The following RCSD1 variants were observed in gnomAD, a reference collection of about 807,000 sequenced individuals.
RCSD1 encodes RCSD domain containing 1, also known as capZ-interacting protein.
In RCSD1, 26 loss-of-function variants were observed where a neutral mutation model predicts 42.5. The observed-to-expected ratio is 0.61, with a 90% CI of 0.45 to 0.85. The LOEUF is 0.85. RCSD1 is among the 40% of genes least tolerant of loss of function. RCSD1 has a pLI of 0.00. For synonymous variants in RCSD1, 220 were observed against 212.2 expected (o/e 1.04, Z -0.32); for missense variants, 571 against 528.3 (o/e 1.08, Z -0.79).
chr1:167,700,598 C>T (rs892839080), intron 6 of RCSD1, among the ~76,000 whole-genome samples: 1 of 149,866 alleles, frequency 6.7e-6, no homozygotes, highest in Non-Finnish European at 1.5e-5. Flanking sequence ...TTGCAGTGAG[C>T]GGAAATCGCG....
chr1:167,698,766 CTCTT>C (rs936643235), intron 6 of RCSD1, among the ~76,000 whole-genome samples: 11 of 151,946 alleles, frequency 7.2e-5, no homozygotes, highest in African/African-American at 2.7e-4. Flanking sequence ...CTACAGTAGC[CTCTT>C]TGTTTGTTTG....
chr1:167,675,036 C>A (rs1658906900), intron 1 of RCSD1, among the ~76,000 whole-genome samples: 1 of 151,916 alleles, frequency 6.6e-6, no homozygotes, highest in African/African-American at 2.4e-5. Context: ...GAAACCCCAT[C>A]TCTACTAAAA....
intron 1 of RCSD1, among the ~76,000 whole-genome samples, chr1:167,671,895 T>C (rs980783905): frequency 2.0e-5 from 3 of 152,158 alleles, no homozygotes; most frequent in African/African-American, 7.2e-5. Flanking sequence ...GGCCTTGAAC[T>C]CCTCAACTGT....
intron 1 of RCSD1, among the ~76,000 whole-genome samples, chr1:167,657,921 G>T (rs935759687): frequency 2.6e-4 from 39 of 151,304 alleles, no homozygotes; most frequent in Non-Finnish European, 7.4e-5. Context: ...ACACATGCAC[G>T]TTTTATTTTT....
intron 3 of RCSD1, among the ~76,000 whole-genome samples, chr1:167,688,705 C>A (rs888453881): frequency 6.6e-6 from 1 of 152,210 alleles, no homozygotes; most frequent in Non-Finnish European, 1.5e-5. Flanking sequence ...CTCCCTCCTT[C>A]CATCACTAAA....
At chr1:167,699,892 TTC>T (rs1558095494) in intron 6 of RCSD1, among the ~76,000 whole-genome samples, 1 of 152,200 alleles carries the variant, frequency 6.6e-6, no homozygotes, top group Non-Finnish European at 1.5e-5. Flanking sequence ...AGATGGTCCC[TTC>T]TCACTGAGGC....
At position 167,697,591 on chromosome 1, in the gene RCSD1, C is replaced by A; in HGVS notation, c.967C>A (p.Gln323Lys). The A allele has an allele frequency of 1.9e-6, 3 of 1,607,722 alleles. No homozygotes were observed. Among genetic ancestry groups the A allele is most frequent in the Non-Finnish European group, 2.5e-6 (3 of 1,177,218 alleles). ...TACAGAGGTGAAGGGGGAGAGGGTG[C>A]AAAATGAAGAGGTGGGACCTGAACA... ...KATEVKGERV[Q>K]NEEVGPEHDS... The change falls in exon 6 of 7, where the codon CAA (glutamine) becomes AAA (lysine). Residue 323 changes from glutamine to lysine, a missense_variant. Transcript: ENST00000367854.
chr1:167,646,934 A>T (rs1397140603), intron 1 of RCSD1, among the ~76,000 whole-genome samples: 1 of 152,178 alleles, frequency 6.6e-6, no homozygotes, highest in Non-Finnish European at 1.5e-5. Context: ...GTTCAAGGCC[A>T]GCCTGACCAA....
At chr1:167,657,956 C>T (rs545702378) in intron 1 of RCSD1, among the ~76,000 whole-genome samples, 84 of 152,138 alleles carry the variant, frequency 5.5e-4, no homozygotes, top group African/African-American at 2.0e-3. Context: ...GAGACAGGGT[C>T]TCACTCTGTC....
intron 1 of RCSD1, among the ~76,000 whole-genome samples, chr1:167,657,311 A>T (rs1215962398): frequency 1.3e-5 from 2 of 152,244 alleles, no homozygotes; most frequent in Non-Finnish European, 2.9e-5. Context: ...TGGGGCCTAA[A>T]GAAAATCACC....
chr1:167,642,268 C>A (rs1571670977), intron 1 of RCSD1, among the ~76,000 whole-genome samples: 1 of 152,156 alleles, frequency 6.6e-6, no homozygotes, highest in East Asian at 1.9e-4. Context: ...TGAGCTGTGT[C>A]TGGAAGTAAG....
intron 1 of RCSD1, among the ~76,000 whole-genome samples, chr1:167,667,896 A>C (rs1007263530): frequency 2.6e-5 from 4 of 152,128 alleles, no homozygotes; most frequent in Non-Finnish European, 5.9e-5. Flanking sequence ...GCATTTACTG[A>C]GTACCTACTA....
At chr1:167,631,695 T>C (rs1490894497) in intron 1 of RCSD1, among the ~76,000 whole-genome samples, 1 of 152,182 alleles carries the variant, frequency 6.6e-6, no homozygotes, top group African/African-American at 2.4e-5. Flanking sequence ...ATATTACCCA[T>C]GCTGGTCTTG....
intron 2 of RCSD1, among the ~76,000 whole-genome samples, chr1:167,684,341 G>T (rs1659168311): frequency 6.6e-6 from 1 of 152,196 alleles, no homozygotes; most frequent in South Asian, 2.1e-4. Flanking sequence ...GAATAAAGAA[G>T]TTCCTACAGC....
chr1:167,654,044 C>T (rs1298634350), intron 1 of RCSD1, among the ~76,000 whole-genome samples: 3 of 152,160 alleles, frequency 2.0e-5, no homozygotes, highest in Admixed American at 6.5e-5. Flanking sequence ...CTACAGCATA[C>T]GGATCATAAT....
chr1:167,704,188 T>C (rs1317743774), intron 6 of RCSD1, among the ~76,000 whole-genome samples: 1 of 152,226 alleles, frequency 6.6e-6, no homozygotes, highest in Admixed American at 6.5e-5. Flanking sequence ...TATTTTCAAC[T>C]CTTTCTGTCC....
intron 1 of RCSD1, among the ~76,000 whole-genome samples, chr1:167,631,316 TG>T (rs1377164613): frequency 1.3e-5 from 2 of 152,238 alleles, no homozygotes; most frequent in Admixed American, 6.5e-5. Context: ...TAGTAGGACC[TG>T]GGGCTTTTGA....
In RCSD1 at chr1:167,706,653, C is replaced by T. The variant is rs1349171385; in HGVS notation, c.*1957C>T. On this transcript the variant is annotated 3_prime_UTR_variant, in exon 7 of 7. Transcript: ENST00000367854. ...GGCATCAGAATACCTTTCTATCCCCCAAGTCTCCTGTTAGTCACATTATTT... is the reference window on the plus strand; with the variant it reads ...GGCATCAGAATACCTTTCTATCCCCTAAGTCTCCTGTTAGTCACATTATTT... 2.0e-5 allele frequency among the ~76,000 whole-genome samples: 3 copies of T among 152,068 alleles called. No homozygotes were observed. Among genetic ancestry groups the T allele is most frequent in the Admixed American group, 1.3e-4 (2 of 15,268 alleles).
In RCSD1 at chr1:167,704,652, C is replaced by G; in HGVS notation, c.1219-12C>G. The G allele has an allele frequency of 1.2e-6, 2 of 1,611,554 alleles. No individual in the cohort carries two copies. Among genetic ancestry groups the G allele is most frequent in the Non-Finnish European group, 1.7e-6 (2 of 1,178,092 alleles). On this transcript the variant is annotated splice_polypyrimidine_tract_variant and intron_variant, in intron 6 of 6. Transcript: ENST00000367854. The stretch of plus-strand genomic sequence containing the variant: ...CATTTTCCTAATTAATTCTTTCCTC[C>G]CCTGTTCACAGGATGACACTCCTGT...
Sources: gnomAD v4.1 joint callset for allele counts (sites outside exome capture counted in the v4.1 genomes callset) on GRCh38, gnomAD v4.1.1 for gene constraint, MANE v1.5 for transcripts, NCBI Gene and HGNC (gene_info 2026-07-23, HGNC 2026-07-21) for gene names.